The following UBAC2 variants were observed in gnomAD, a reference collection of about 807,000 sequenced individuals.
UBAC2 encodes the protein UBA domain containing 2.
Under a neutral mutation model 44.0 loss-of-function variants are expected in UBAC2, and 26 were observed. The ratio of observed to expected loss-of-function variants is 0.59; its 90% CI spans 0.43 to 0.82. The LOEUF (loss-of-function observed/expected upper bound fraction) is 0.82, where lower values mean the gene tolerates loss of function less well. Ranked by LOEUF, UBAC2 falls within the 40% of genes least tolerant of loss-of-function variation. The pLI is 0.00. For missense variants in UBAC2, 329 were observed against 419.4 expected, an observed-to-expected ratio of 0.78 and a Z score of 1.88; for synonymous variants, 155 against 154.3, an observed-to-expected ratio of 1.00 and a Z score of -0.04.
intron 2 of UBAC2, among the ~76,000 whole-genome samples, chr13:99,238,875 C>T (rs918268141): frequency 9.9e-5 from 15 of 152,118 alleles, no homozygotes; most frequent in African/African-American, 3.6e-4. Context: ...GCATACTTAG[C>T]TTTGCCAAAA....
intron 1 of UBAC2, among the ~76,000 whole-genome samples, chr13:99,220,299 T>G (rs1345600408): frequency 6.6e-6 from 1 of 152,230 alleles, no homozygotes; most frequent in Non-Finnish European, 1.5e-5. Context: ...TTTCTTAGTT[T>G]ATTTCTTCAC....
chr13:99,279,104 C>T (rs990593816), intron 4 of UBAC2, among the ~76,000 whole-genome samples: 5 of 152,156 alleles, frequency 3.3e-5, no homozygotes, highest in Non-Finnish European at 7.3e-5. Flanking sequence ...CCTTTTCCCA[C>T]CTCCCTCTCG....
At chr13:99,317,952 T>TAAATA (rs2044514783) in intron 5 of UBAC2, 70 bp from the exon 6 acceptor site, 1 of 1,248,996 alleles carries the variant, frequency 8.0e-7, no homozygotes, top group African/African-American at 1.5e-5. Flanking sequence ...ACTATAGTTA[T>TAAATA]GTAAAAATAA....
intron 7 of UBAC2, among the ~76,000 whole-genome samples, chr13:99,350,611 C>T (rs760417906): frequency 3.3e-5 from 5 of 152,268 alleles, no homozygotes; most frequent in African/African-American, 4.8e-5. Flanking sequence ...CCCTGTGCAT[C>T]TCTTCCATCT....
At chr13:99,262,201 A>G (rs2043672799) in intron 4 of UBAC2, among the ~76,000 whole-genome samples, 3 of 152,170 alleles carry the variant, frequency 2.0e-5, no homozygotes, top group Admixed American at 1.3e-4. Flanking sequence ...TTTAATTAAT[A>G]ATGGTCCCAA....
intron 4 of UBAC2, among the ~76,000 whole-genome samples, chr13:99,299,138 A>G (rs1005041031): frequency 2.0e-5 from 3 of 152,218 alleles, no homozygotes; most frequent in African/African-American, 4.8e-5. Flanking sequence ...GCCAGTTTGT[A>G]TACAAATGCG....
At position 99,249,064 on chromosome 13, in the gene UBAC2, G is replaced by A. The variant is rs185284267; in HGVS notation, c.389+4440G>A. 2.9e-3 allele frequency among the ~76,000 whole-genome samples: 445 copies of A among 152,248 alleles called. 2 individuals carry two copies. Among genetic ancestry groups the A allele is most frequent in the African/African-American group, 0.01 (434 of 41,532 alleles). ...TTCAGATTCAGGGGGTACATGTGAA[G>A]GTTTGTTTTATGAGTATATTGCATG... On this transcript the variant is annotated intron_variant, in intron 4 of 8. Coordinates refer to ENST00000403766, the MANE Select transcript of UBAC2 (RefSeq NM_001144072.2).
intron 7 of UBAC2, among the ~76,000 whole-genome samples, chr13:99,353,077 T>C (rs1295774159): frequency 6.6e-6 from 1 of 152,244 alleles, no homozygotes; most frequent in African/African-American, 2.4e-5. Context: ...AAAACGATTC[T>C]TTTCAAGTTG....
chr13:99,271,363 G>T (rs556420077), intron 4 of UBAC2, among the ~76,000 whole-genome samples: 16 of 152,286 alleles, frequency 1.1e-4, no homozygotes, highest in South Asian at 6.2e-4. Context: ...ATCAGAGACT[G>T]CCAGTGCCAA....
At chr13:99,332,491 A>C (rs780835766) in intron 6 of UBAC2, among the ~76,000 whole-genome samples, 2 of 152,218 alleles carry the variant, frequency 1.3e-5, no homozygotes, top group Non-Finnish European at 2.9e-5. Flanking sequence ...TTACAGGGTC[A>C]CAGCTTCTGC....
At position 99,239,326 on chromosome 13, in the gene UBAC2, T is replaced by C. The variant is rs528840078; in HGVS notation, c.159+772T>C. Among the ~76,000 whole-genome samples, 5 of 152,362 alleles carry C rather than the reference T, an allele frequency of 3.3e-5. No homozygotes were observed. The South Asian group carries it at 1.0e-3, about 32-fold the overall frequency. On this transcript the variant is annotated intron_variant, in intron 2 of 8. Coordinates refer to ENST00000403766, the MANE Select transcript of UBAC2 (RefSeq NM_001144072.2). Reference sequence around the variant, plus strand: ...TAGTGTAGCTTCTGTATTATTTCAGTTGCTATAATGCAGTCCTTCTCAACC... The same window carrying C: ...TAGTGTAGCTTCTGTATTATTTCAGCTGCTATAATGCAGTCCTTCTCAACC...
intron 1 of UBAC2, among the ~76,000 whole-genome samples, chr13:99,225,120 CTTATATTTAGTTTTAATTT>C (rs1378981335): frequency 3.9e-5 from 6 of 152,148 alleles, no homozygotes; most frequent in Middle Eastern, 6.8e-3. Flanking sequence ...TAAATATTTG[CTTATATTTAGTTTTAATTT>C]TTAATTGTGG....
chr13:99,333,090 C>T (rs1054114792), intron 6 of UBAC2, among the ~76,000 whole-genome samples: 2 of 141,252 alleles, frequency 1.4e-5, no homozygotes, highest in East Asian at 2.1e-4. Flanking sequence ...GGTGAAACCC[C>T]GTCTCTGGGG....
At chr13:99,227,874 G>A (rs1367508263) in intron 1 of UBAC2, among the ~76,000 whole-genome samples, 1 of 152,174 alleles carries the variant, frequency 6.6e-6, no homozygotes, top group Admixed American at 6.5e-5. Flanking sequence ...TATTCAAGTT[G>A]GGAGTGTGAA....
intron 4 of UBAC2, among the ~76,000 whole-genome samples, chr13:99,267,439 G>A (rs1287137536): frequency 6.6e-6 from 1 of 152,164 alleles, no homozygotes; most frequent in African/African-American, 2.4e-5. Flanking sequence ...AATGGTGAGG[G>A]GAAGGGAGGG....
Position 99,241,944 on chromosome 13 carries a change from G to T in UBAC2, c.160-1888G>T, listed in dbSNP as rs561105465. Among the ~76,000 whole-genome samples the T allele has an allele frequency of 2.2e-4, 33 of 149,342 alleles. No homozygotes were observed. In the South Asian group the frequency reaches 2.4e-3, roughly 11 times the overall value. On this transcript the variant is annotated intron_variant, in intron 2 of 8. Coordinates refer to ENST00000403766, the MANE Select transcript of UBAC2 (RefSeq NM_001144072.2). ...ATTAGGGAGTGGTGATGACTCTTAAGGAGCATGCTGCCTTCAAGCATCTGT... is the reference window on the plus strand; with the variant it reads ...ATTAGGGAGTGGTGATGACTCTTAATGAGCATGCTGCCTTCAAGCATCTGT...
intron 1 of UBAC2, among the ~76,000 whole-genome samples, chr13:99,211,704 T>G (rs906940291): frequency 6.6e-6 from 1 of 152,252 alleles, no homozygotes; most frequent in Non-Finnish European, 1.5e-5. Flanking sequence ...CCAGATGGTC[T>G]GGCTGCCTGT....
chr13:99,282,017 T>C (rs1331541593), intron 4 of UBAC2, among the ~76,000 whole-genome samples: 1 of 152,226 alleles, frequency 6.6e-6, no homozygotes, highest in Non-Finnish European at 1.5e-5. Context: ...AGTGGCATCA[T>C]TGACCTAAGC....
chr13:99,336,921 C>A (rs931212626), intron 6 of UBAC2, among the ~76,000 whole-genome samples: 1 of 152,046 alleles, frequency 6.6e-6, no homozygotes, highest in Non-Finnish European at 1.5e-5. Flanking sequence ...TCCTTCCCAC[C>A]TCTCTTCCTC....
Sources: gnomAD v4.1 joint callset for allele counts (sites outside exome capture counted in the v4.1 genomes callset) on GRCh38, gnomAD v4.1.1 for gene constraint, MANE v1.5 for transcripts, NCBI Gene and HGNC (gene_info 2026-07-23, HGNC 2026-07-21) for gene names.